STK36: variants seen among roughly 807,000 people sequenced by gnomAD.
The protein encoded by STK36 is serine/threonine-protein kinase 36.
In STK36, 116 loss-of-function variants were observed where a neutral mutation model predicts 142.2. The ratio of observed to expected loss-of-function variants is 0.82; its 90% CI spans 0.70 to 0.95. The LOEUF is 0.95. Among genes scored for constraint, STK36 ranks in the 40% least tolerant of loss-of-function variants. STK36 has a pLI of 0.00. For missense variants in STK36, 1,422 were observed against 1,617.2 expected (o/e 0.88, Z 2.07); for synonymous variants, 619 against 641.7 (o/e 0.96, Z 0.53).
chr2:218,692,285 C>T lies in STK36; in HGVS notation c.1907C>T (p.Thr636Ile). The change falls in exon 15 of 27, where the codon ACT (threonine) becomes ATT (isoleucine). Residue 636 changes from threonine (T) to isoleucine (I), a missense_variant. Around this residue, in one of 2 missense-constraint regions of STK36, gnomAD observed 962 missense variants for 1,167.5 expected, o/e 0.82. Coordinates refer to ENST00000295709, the MANE Select transcript of STK36 (RefSeq NM_015690.5). ...ACAGTTCCACAGCTCCCTGTCCACA[C>T]TCCCCAAGGTAACCAGAGTGGAGAA... ...GLTVPQLPVHTPQGAPQVSQP... is the reference protein window; with the variant it reads ...GLTVPQLPVHIPQGAPQVSQP... The T allele has an allele frequency of 1.2e-6, 2 of 1,614,196 alleles. No individual in the cohort carries two copies. Among genetic ancestry groups the T allele is most frequent in the Non-Finnish European group, 1.7e-6 (2 of 1,180,042 alleles).
Position 218,680,660 on chromosome 2 carries a change from G to T in STK36, c.1194G>T (p.Val398=). The change falls in exon 10 of 27, where the codon GTG becomes GTT. Residue 398 remains valine, a synonymous_variant. Transcript: ENST00000295709. ...CATTCCCAGAGGAGAGGCCAGAGGTGCTGGGCCAGCGGAGCACTGATGTAG... is the reference window on the plus strand; with the variant it reads ...CATTCCCAGAGGAGAGGCCAGAGGTTCTGGGCCAGCGGAGCACTGATGTAG... The part of the protein sequence containing the change: ...ERAFPEERPE[V]LGQRSTDVVD... 6.2e-7 allele frequency: 1 copy of T among 1,613,642 alleles called. No individual in the cohort carries two copies. Among genetic ancestry groups the T allele is most frequent in the Non-Finnish European group, 8.5e-7 (1 of 1,179,886 alleles).
intron 1 of STK36, 79 bp downstream of exon 1, chr2:218,672,294 C>A: frequency 2.2e-6 from 1 of 448,950 alleles, no homozygotes; most frequent in Non-Finnish European, 4.1e-6. Context: ...ATGCAGGCAG[C>A]CAGAAGAGAT....
At chr2:218,687,274 T>G (rs969452469) in intron 11 of STK36, among the ~76,000 whole-genome samples, 5 of 152,270 alleles carry the variant, frequency 3.3e-5, no homozygotes. Flanking sequence ...TAAGTTCAGT[T>G]ACTGTTTTTT....
chr2:218,697,438 G>A, intron 23 of STK36, 25 bp from the exon 24 acceptor site: 1 of 1,612,754 alleles, frequency 6.2e-7, no homozygotes, highest in South Asian at 1.1e-5. Context: ...CTGTTCCATT[G>A]GGTCTCCATT....
rs1346505712 is a variant in STK36 at position 218,673,920 on chromosome 2, G to T, written c.267G>T (p.Gln89His). The change falls in exon 4 of 27, where the codon CAG (glutamine) becomes CAT (histidine). Residue 89 changes from glutamine to histidine, a missense_variant. Physicochemically the swap from Gln to His is conservative, Grantham distance 24 (BLOSUM62 0). Coordinates refer to ENST00000295709, the MANE Select transcript of STK36 (RefSeq NM_015690.5). ...VTDYAEGELF[Q>H]ILEDDGKLPE... ...ACTATGCTGAGGGAGAGCTCTTTCAGATCCTAGAAGATGACGGAAAACTTC... is the reference window on the plus strand; with the variant it reads ...ACTATGCTGAGGGAGAGCTCTTTCATATCCTAGAAGATGACGGAAAACTTC... The T allele has an allele frequency of 6.2e-7, 1 of 1,614,040 alleles. No homozygotes were observed. Among genetic ancestry groups the T allele is most frequent in the Non-Finnish European group, 8.5e-7 (1 of 1,180,044 alleles).
chr2:218,692,639 AT>A lies in STK36; in HGVS notation c.1975del (p.Ser659ProfsTer32), dbSNP rs756240598. The A allele has an allele frequency of 1.1e-5, 17 of 1,613,758 alleles. No homozygotes were observed. Among genetic ancestry groups the A allele is most frequent in the Non-Finnish European group, 1.4e-5 (16 of 1,180,008 alleles). On this transcript the variant is annotated frameshift_variant, in exon 16 of 27. Coordinates refer to ENST00000295709, the MANE Select transcript of STK36 (RefSeq NM_015690.5). LOFTEE classifies it high-confidence loss of function. ...GCAGAGTGAGGATATACCTGGAGCC[AT>A]TTCCTCTGCCCTGGCAGCCATATGC... ...REQSEDIPGA[I>X]SSALAAICTA...
chr2:218,685,048 C>T, intron 10 of STK36, 37 bp from the exon 11 acceptor site: 1 of 1,612,912 alleles, frequency 6.2e-7, no homozygotes, highest in Non-Finnish European at 8.5e-7. Flanking sequence ...TAGACTTACA[C>T]ACTACTCCTG....
intron 26 of STK36, among the ~76,000 whole-genome samples, chr2:218,700,054 G>A (rs778851410): frequency 2.6e-5 from 4 of 152,110 alleles, no homozygotes; most frequent in Non-Finnish European, 5.9e-5. Flanking sequence ...CTCCCGAGTA[G>A]CTGCATTATA....
chr2:218,688,963 C>T, intron 12 of STK36, 87 bp downstream of exon 12: 1 of 1,339,618 alleles, frequency 7.5e-7, no homozygotes, highest in Non-Finnish European at 1.0e-6. Context: ...TCTCTTTGGT[C>T]TGACTGCCTT....
intron 6 of STK36, among the ~76,000 whole-genome samples, chr2:218,677,585 C>T (rs1362836278): frequency 1.3e-5 from 2 of 152,172 alleles, no homozygotes; most frequent in African/African-American, 4.8e-5. Context: ...CTCTTACATG[C>T]CATCTATTCC....
At chr2:218,673,835 T>G (rs772450022) in intron 3 of STK36, 44 bp from the exon 4 acceptor site, 1 of 1,614,148 alleles carries the variant, frequency 6.2e-7, no homozygotes, top group Non-Finnish European at 8.5e-7. Flanking sequence ...AACCTCAGAA[T>G]GCATGAATCT....
rs754547748 is a variant in STK36, at chr2:218,679,655, T to A, written c.874T>A (p.Leu292Met). Residue 292 changes from leucine (L) to methionine (M), a missense_variant, in exon 8 of 27, where the codon TTG becomes ATG. Around this residue, in one of 2 missense-constraint regions of STK36, gnomAD observed 460 missense variants for 449.6 expected, o/e 1.02. Transcript: ENST00000295709. ...CCTAAAGGACGAACAGGCCCATCGG[T>A]TGGCCCCCAAGGGTAATCAGTCTCG... ...QVLKDEQAHR[L>M]APKGNQSRIL... 7 of 1,614,040 alleles carry A rather than the reference T, an allele frequency of 4.3e-6. No individual in the cohort carries two copies. Among genetic ancestry groups the A allele is most frequent in the Non-Finnish European group, 5.9e-6 (7 of 1,180,046 alleles).
chr2:218,689,699 C>G (rs537791544), intron 12 of STK36, among the ~76,000 whole-genome samples, 160 bp from the exon 13 acceptor site: 2 of 152,352 alleles, frequency 1.3e-5, no homozygotes, highest in South Asian at 4.1e-4. Context: ...TTGGCAGATT[C>G]TCTGTTACCC....
At chr2:218,692,552 C>T (rs1215317174) in intron 15 of STK36, 31 bp from the exon 16 acceptor site, 4 of 1,596,710 alleles carry the variant, frequency 2.5e-6, no homozygotes, top group South Asian at 1.1e-5. Context: ...AGCCTCAGGC[C>T]TTTGGAGTTA....
intron 13 of STK36, among the ~76,000 whole-genome samples, chr2:218,690,247 A>G (rs907159782): frequency 2.8e-5 from 4 of 144,766 alleles, no homozygotes; most frequent in African/African-American, 1.2e-4. Flanking sequence ...AGAAAGAAAG[A>G]AAAAAAATAT....
intron 13 of STK36, 147 bp from the exon 14 acceptor site, chr2:218,690,301 GTA>G: frequency 1.4e-6 from 1 of 699,950 alleles, no homozygotes; most frequent in Non-Finnish European, 2.6e-6. Flanking sequence ...CTTGGAGGGT[GTA>G]TGTGTGTGTG....
rs757484055 is a variant in STK36, at chr2:218,689,820, T to C, written c.1561-39T>C. ...TTTTTTCTATTCTTTGTTTCCATCCTTCACATTGCCCTTACTCTCTTCTCC... is the reference window on the plus strand; with the variant it reads ...TTTTTTCTATTCTTTGTTTCCATCCCTCACATTGCCCTTACTCTCTTCTCC... On this transcript the variant is annotated intron_variant, in intron 12 of 26. Coordinates refer to ENST00000295709, the MANE Select transcript of STK36 (RefSeq NM_015690.5). 8 of 1,567,498 alleles carry C rather than the reference T, an allele frequency of 5.1e-6. No individual in the cohort carries two copies. In the Admixed American group the frequency reaches 1.4e-4, roughly 28 times the overall value.
In STK36 at chr2:218,689,887, A is replaced by C. The variant is rs777567531; in HGVS notation, c.1589A>C (p.Asp530Ala). Residue 530 changes from aspartate (D) to alanine (A), a missense_variant, in exon 13 of 27, where the codon GAC becomes GCC. By Grantham distance (126) the Asp-to-Ala change is moderately radical. Around this residue, in one of 2 missense-constraint regions of STK36, gnomAD observed 962 missense variants for 1,167.5 expected, o/e 0.82. Transcript: ENST00000295709. ...QQSWYGTFLQ[D>A]LMAVIQAYFA... ...TCTTGGTATGGGACCTTCTTACAGG[A>C]CCTGATGGCTGTGATTCAGGCCTAC... The C allele has an allele frequency of 3.1e-6, 5 of 1,610,016 alleles. No homozygotes were observed. The highest frequency in any genetic ancestry group is 4.2e-6 in the Non-Finnish European group (5 of 1,178,146).
Position 218,692,570 on chromosome 2 carries a change from C to G in STK36, c.1916-13C>G. On this transcript the variant is annotated splice_polypyrimidine_tract_variant and intron_variant, in intron 15 of 26. Coordinates refer to ENST00000295709, the MANE Select transcript of STK36 (RefSeq NM_015690.5). ...CTCAGGCCTTTGGAGTTACTCTTTG[C>G]TTTTCTCCACAGGAGCCCCGCAAGT... 1 of 1,606,500 alleles carries G rather than the reference C, an allele frequency of 6.2e-7. No homozygotes were observed. Among genetic ancestry groups the G allele is most frequent in the Non-Finnish European group, 8.5e-7 (1 of 1,177,646 alleles).
Sources: gnomAD v4.1 joint callset for allele counts (sites outside exome capture counted in the v4.1 genomes callset) on GRCh38, gnomAD v4.1.1 for gene constraint, gnomAD v4.1.1 regional missense constraint, MANE v1.5 for transcripts, NCBI Gene and HGNC (gene_info 2026-07-23, HGNC 2026-07-21) for gene names.